MYO1E: variants seen among roughly 807,000 people sequenced by gnomAD.
The protein encoded by MYO1E is myosin IE.
Under a neutral mutation model 151.1 loss-of-function variants are expected in MYO1E, and 68 were observed. That is an observed-to-expected ratio of 0.45 (90% CI 0.37 to 0.55). MYO1E has a LOEUF of 0.55. MYO1E is among the 20% of genes least tolerant of loss of function. The probability of loss-of-function intolerance (pLI) is 0.00; values close to 1 mark genes in which losing one functional copy is unlikely to be tolerated. For synonymous variants in MYO1E, 601 were observed against 501.7 expected (o/e 1.20, Z -2.64); for missense variants, 1,363 against 1,389.3 (o/e 0.98, Z 0.30).
At chr15:59,206,745 T>C (rs1179406183) in intron 14 of MYO1E, 2 of 595,038 alleles carry the variant, frequency 3.4e-6, no homozygotes, top group Non-Finnish European at 5.9e-6. Context: ...CTTCACTGCC[T>C]TAGTCTGAGC....
chr15:59,230,218 GTGTGTT>G (rs745387055), intron 6 of MYO1E, among the ~76,000 whole-genome samples: 1,190 of 115,430 alleles, frequency 0.01, 21 homozygotes, highest in African/African-American at 0.032. Flanking sequence ...GAGAGACAGT[GTGTGTT>G]TGTGTGTGTG....
chr15:59,217,828 T>A, intron 10 of MYO1E, 63 bp downstream of exon 10: 1 of 1,576,310 alleles, frequency 6.3e-7, no homozygotes, highest in South Asian at 1.1e-5. Flanking sequence ...GCACCCAGCC[T>A]ACTAGTTTTA....
At chr15:59,369,908 C>CA (rs1368824632) in intron 1 of MYO1E, among the ~76,000 whole-genome samples, 3 of 152,206 alleles carry the variant, frequency 2.0e-5, no homozygotes, top group African/African-American at 7.2e-5. Flanking sequence ...CACACTCACA[C>CA]AGAAGAAGTC....
At chr15:59,323,415 A>G (rs1439683588) in intron 1 of MYO1E, among the ~76,000 whole-genome samples, 1 of 151,926 alleles carries the variant, frequency 6.6e-6, no homozygotes, top group Non-Finnish European at 1.5e-5. Flanking sequence ...GCACTTTGGG[A>G]GGCCGAGGTG....
chr15:59,367,344 A>G (rs1255965859), intron 1 of MYO1E, among the ~76,000 whole-genome samples: 1 of 147,678 alleles, frequency 6.8e-6, no homozygotes, highest in Non-Finnish European at 1.5e-5. Context: ...AAAACGCCTG[A>G]GACAGACCGC....
rs143354826 is a variant in MYO1E, at chr15:59,270,292, G to T, written c.147+2014C>A. Among the ~76,000 whole-genome samples the T allele has an allele frequency of 5.5e-3, 832 of 152,054 alleles. 5 individuals are homozygous for T. Among genetic ancestry groups the T allele is most frequent in the African/African-American group, 0.019 (788 of 41,488 alleles). ...CATTGCCAGGCGCAGTGGCTCATAC[G>T]TGTAGTCCTAGCACTTTGGAAGGCC... On this transcript the variant is annotated intron_variant, in intron 2 of 27. Transcript: ENST00000288235.
At chr15:59,364,814 A>G (rs1449207497) in intron 1 of MYO1E, among the ~76,000 whole-genome samples, 1 of 151,962 alleles carries the variant, frequency 6.6e-6, no homozygotes, top group African/African-American at 2.4e-5. Flanking sequence ...TTGAGGCAGG[A>G]GAATCGCTTG....
chr15:59,313,956 A>T (rs1321508242), intron 1 of MYO1E, among the ~76,000 whole-genome samples: 11 of 152,224 alleles, frequency 7.2e-5, no homozygotes, highest in African/African-American at 2.2e-4. Flanking sequence ...GACTGACTGG[A>T]ACAGGAGTTA....
intron 6 of MYO1E, among the ~76,000 whole-genome samples, chr15:59,230,917 T>C (rs941477373): frequency 6.6e-6 from 1 of 152,254 alleles, no homozygotes; most frequent in South Asian, 2.1e-4. Flanking sequence ...GCAAAATCTA[T>C]ATAAATCAAG....
At chr15:59,138,541 T>G (rs2079388240) in intron 26 of MYO1E, among the ~76,000 whole-genome samples, 174 bp from the exon 27 acceptor site, 1 of 152,218 alleles carries the variant, frequency 6.6e-6, no homozygotes, top group Non-Finnish European at 1.5e-5. Flanking sequence ...AAAGTAACTT[T>G]TCTGACAAGG....
At chr15:59,190,466 C>A (rs1276929056) in intron 17 of MYO1E, among the ~76,000 whole-genome samples, 1 of 152,192 alleles carries the variant, frequency 6.6e-6, no homozygotes, top group Non-Finnish European at 1.5e-5. Context: ...CCACCATTTC[C>A]AATTAAGTCT....
At chr15:59,147,596 C>CCAAAAAAA (rs2079449008) in intron 26 of MYO1E, among the ~76,000 whole-genome samples, 1 of 66,096 alleles carries the variant, frequency 1.5e-5, no homozygotes, top group East Asian at 4.6e-4. Context: ...GACTCTGTCT[C>CCAAAAAAA]AAAAAAAAAA....
intron 1 of MYO1E, among the ~76,000 whole-genome samples, chr15:59,365,314 C>G (rs60602721): frequency 6.6e-6 from 1 of 152,058 alleles, no homozygotes; most frequent in Non-Finnish European, 1.5e-5. Flanking sequence ...CCACCGCGCC[C>G]GGCTGAATTC....
chr15:59,363,038 C>T (rs1024053819), intron 1 of MYO1E, among the ~76,000 whole-genome samples: 10 of 148,354 alleles, frequency 6.7e-5, no homozygotes, highest in Admixed American at 4.8e-4. Flanking sequence ...TGCAGTGGCA[C>T]GATCTCGGCT....
chr15:59,363,099 C>T (rs550702544), intron 1 of MYO1E, among the ~76,000 whole-genome samples: 1 of 152,026 alleles, frequency 6.6e-6, no homozygotes, highest in Admixed American at 6.6e-5. Flanking sequence ...CCTCAGCCTC[C>T]TGAGTAGCTG....
At chr15:59,249,151 C>T (rs539657358) in intron 4 of MYO1E, among the ~76,000 whole-genome samples, 1 of 152,260 alleles carries the variant, frequency 6.6e-6, no homozygotes, top group Admixed American at 6.5e-5. Flanking sequence ...TGGCCAGGCG[C>T]GGTGGCTCAC....
chr15:59,222,247 C>T (rs1234815061), intron 9 of MYO1E, among the ~76,000 whole-genome samples: 3 of 152,178 alleles, frequency 2.0e-5, no homozygotes, highest in Admixed American at 2.0e-4. Flanking sequence ...TATTACTAAG[C>T]ATCTAAATTT....
At position 59,137,364 on chromosome 15, in the gene MYO1E, CAG is replaced by C. The variant is rs2079379507; in HGVS notation, c.*14_*15del. 1.5e-5 allele frequency: 25 copies of C among 1,613,206 alleles called. No homozygotes were observed. The highest frequency in any genetic ancestry group is 2.0e-5 in the Non-Finnish European group (23 of 1,179,302). The stretch of plus-strand genomic sequence containing the variant: ...CCTGGAGCTCCTCTGCCCCATGTGT[CAG>C]AGTCACGGGCACCTCAGATCTTGGT... On this transcript the variant is annotated 3_prime_UTR_variant, in exon 28 of 28. Coordinates refer to ENST00000288235, the MANE Select transcript of MYO1E (RefSeq NM_004998.4).
chr15:59,291,575 C>T (rs2140396954), intron 1 of MYO1E, among the ~76,000 whole-genome samples: 1 of 150,798 alleles, frequency 6.6e-6, no homozygotes, highest in South Asian at 2.1e-4. Flanking sequence ...GTGGCTCACA[C>T]CTGTAATCCC....
Sources: gnomAD v4.1 joint callset for allele counts (sites outside exome capture counted in the v4.1 genomes callset) on GRCh38, gnomAD v4.1.1 for gene constraint, MANE v1.5 for transcripts, NCBI Gene and HGNC (gene_info 2026-07-23, HGNC 2026-07-21) for gene names.